TAX1BP1: variants seen among roughly 807,000 people sequenced by gnomAD.
TAX1BP1 encodes the protein Tax1 binding protein 1.
In TAX1BP1, 62 loss-of-function variants were observed where a neutral mutation model predicts 97.7. The ratio of observed to expected loss-of-function variants is 0.63; its 90% CI spans 0.52 to 0.78. TAX1BP1 has a LOEUF of 0.78. Ranked by LOEUF, TAX1BP1 falls within the 30% of genes least tolerant of loss-of-function variation. The pLI is 0.00. For synonymous variants in TAX1BP1, 340 were observed against 304.2 expected, an observed-to-expected ratio of 1.12 and a Z score of -1.23; for missense variants, 867 against 916.1, an observed-to-expected ratio of 0.95 and a Z score of 0.69.
chr7:27,827,716 T>C, intron 15 of TAX1BP1, 22 bp from the exon 16 acceptor site: 1 of 1,602,424 alleles, frequency 6.2e-7, no homozygotes, highest in Non-Finnish European at 8.5e-7. Flanking sequence ...TCTTAAAAGT[T>C]CCAAAATTAT....
intron 5 of TAX1BP1, chr7:27,772,069 T>C (rs1466318006): frequency 6.6e-6 from 1 of 151,868 alleles, no homozygotes; most frequent in Non-Finnish European, 1.5e-5. Flanking sequence ...AAGACATATG[T>C]GGTGACAATT....
intron 13 of TAX1BP1, among the ~76,000 whole-genome samples, chr7:27,805,435 GCTCACTATA>G (rs77077946): frequency 0.12 from 18,654 of 152,084 alleles, 1,205 homozygotes; most frequent in East Asian, 0.13. Context: ...TTTTGACTAT[GCTCACTATA>G]CTTACTTTTA....
rs752342917 is a variant in TAX1BP1, at chr7:27,785,497, A to AT, written c.852+14dup. The AT allele has an allele frequency of 3.1e-6, 5 of 1,596,690 alleles. No individual in the cohort carries two copies. Among genetic ancestry groups the AT allele is most frequent in the South Asian group, 2.3e-5 (2 of 88,600 alleles). On this transcript the variant is annotated intron_variant, in intron 7 of 16. Transcript: ENST00000396319. The stretch of plus-strand genomic sequence containing the variant: ...GAAAAGGAACTTTATAAGGTAATTT[A>AT]TTTTTTACCATATCTATTGCCTGTT...
At chr7:27,806,574 G>A (rs1472503952) in intron 13 of TAX1BP1, among the ~76,000 whole-genome samples, 1 of 151,986 alleles carries the variant, frequency 6.6e-6, no homozygotes, top group East Asian at 1.9e-4. Flanking sequence ...ATATGCAGTT[G>A]GGTCTCTTTC....
intron 13 of TAX1BP1, among the ~76,000 whole-genome samples, chr7:27,812,048 A>G (rs1016005697): frequency 1.3e-5 from 2 of 152,326 alleles, no homozygotes; most frequent in East Asian, 1.9e-4. Flanking sequence ...TGGTAAGTGT[A>G]TGTTTTTAAT....
In TAX1BP1 at chr7:27,787,512, C is replaced by G. The variant is rs550822476; in HGVS notation, c.947C>G (p.Thr316Ser). The change falls in exon 8 of 17, where the codon ACT (threonine) becomes AGT (serine). Residue 316 changes from threonine to serine, a missense_variant. Coordinates refer to ENST00000396319, the MANE Select transcript of TAX1BP1 (RefSeq NM_006024.7). ...NLDGNKESVI[T>S]HFKEEIGRLQ... Reference sequence around the variant, plus strand: ...GATGGGAACAAAGAAAGCGTGATTACTCATTTCAAAGAAGAGATTGGCAGG... The same window carrying G: ...GATGGGAACAAAGAAAGCGTGATTAGTCATTTCAAAGAAGAGATTGGCAGG... 1.2e-6 allele frequency: 2 copies of G among 1,613,712 alleles called. No homozygotes were observed. Among genetic ancestry groups the G allele is most frequent in the East Asian group, 2.2e-5 (1 of 44,818 alleles).
chr7:27,756,345 G>T (rs35167157), intron 2 of TAX1BP1, among the ~76,000 whole-genome samples: 2 of 152,004 alleles, frequency 1.3e-5, no homozygotes, highest in Non-Finnish European at 2.9e-5. Flanking sequence ...AAGAACTATT[G>T]TTTAGTTTTA....
Position 27,787,421 on chromosome 7 carries a change from C to T in TAX1BP1, c.856C>T (p.His286Tyr). Residue 286 changes from histidine to tyrosine, a missense_variant, in exon 8 of 17, where the codon CAT becomes TAT. This residue lies in a region of TAX1BP1 where 822 missense variants were observed against 851.4 expected (regional missense o/e 0.97). Coordinates refer to ENST00000396319, the MANE Select transcript of TAX1BP1 (RefSeq NM_006024.7). ...ACATTTTCAAACACCATTACAGGTA[C>T]ATTTGAAGAATACAGAAATAGAAAA... Reference protein sequence around the residue: ...EKDEKELYKVHLKNTEIENTK... With the variant: ...EKDEKELYKVYLKNTEIENTK... The T allele has an allele frequency of 1.9e-6, 3 of 1,603,356 alleles. No individual in the cohort carries two copies. The highest frequency in any genetic ancestry group is 2.6e-6 in the Non-Finnish European group (3 of 1,176,280).
Position 27,765,826 on chromosome 7 carries a change from C to T in TAX1BP1, c.266-8C>T, listed in dbSNP as rs752488419. On this transcript the variant is annotated splice_region_variant and splice_polypyrimidine_tract_variant and intron_variant, in intron 3 of 16. Transcript: ENST00000396319. ...GTTTAATAATTTTGTTTGTTAACTT[C>T]CTCTTAGGATATTACCTTCCAAATG... 3.6e-5 allele frequency: 58 copies of T among 1,603,498 alleles called. No individual in the cohort carries two copies. The highest frequency in any genetic ancestry group is 4.9e-5 in the Non-Finnish European group (57 of 1,173,156).
chr7:27,810,817 C>T (rs1438846894), intron 13 of TAX1BP1, among the ~76,000 whole-genome samples: 2 of 152,140 alleles, frequency 1.3e-5, no homozygotes, highest in East Asian at 3.8e-4. Context: ...TCATATTTTA[C>T]CAAGCCTGAA....
intron 15 of TAX1BP1, among the ~76,000 whole-genome samples, chr7:27,825,226 T>TC (rs1791132684): frequency 6.6e-6 from 1 of 151,546 alleles, no homozygotes; most frequent in African/African-American, 2.4e-5. Context: ...CTTTTCTTTT[T>TC]CCCAGTAGCT....
intron 11 of TAX1BP1, among the ~76,000 whole-genome samples, chr7:27,795,382 A>C (rs1467481784): frequency 6.6e-6 from 1 of 152,100 alleles, no homozygotes; most frequent in Non-Finnish European, 1.5e-5. Flanking sequence ...CTGTGGCAAG[A>C]GGATCACTTG....
At chr7:27,793,677 C>T (rs534919797) in intron 10 of TAX1BP1, among the ~76,000 whole-genome samples, 1 of 152,126 alleles carries the variant, frequency 6.6e-6, no homozygotes, top group South Asian at 2.1e-4. Context: ...TTAGCTAATT[C>T]TTTTTTATTC....
chr7:27,794,041 T>C (rs1789821628), intron 10 of TAX1BP1, among the ~76,000 whole-genome samples: 1 of 152,230 alleles, frequency 6.6e-6, no homozygotes, highest in African/African-American at 2.4e-5. Flanking sequence ...GAGTACGTTA[T>C]AACTTTGTAG....
chr7:27,771,197 TA>T (rs1658105179), intron 5 of TAX1BP1, among the ~76,000 whole-genome samples: 2 of 145,370 alleles, frequency 1.4e-5, no homozygotes, highest in South Asian at 4.7e-4. Context: ...ATTCTTCACA[TA>T]TTTTTCTCAT....
chr7:27,757,134 A>G (rs1239187885), intron 2 of TAX1BP1, among the ~76,000 whole-genome samples: 1 of 152,146 alleles, frequency 6.6e-6, no homozygotes, highest in Non-Finnish European at 1.5e-5. Context: ...GCCAATCAGA[A>G]TCATAGAACA....
At chr7:27,782,142 A>C (rs1392505623) in intron 5 of TAX1BP1, among the ~76,000 whole-genome samples, 1 of 152,220 alleles carries the variant, frequency 6.6e-6, no homozygotes, top group East Asian at 1.9e-4. Context: ...CTCAAAACAC[A>C]AACATGTACA....
chr7:27,742,977 A>T (rs919381198), intron 1 of TAX1BP1, among the ~76,000 whole-genome samples: 4 of 152,144 alleles, frequency 2.6e-5, no homozygotes, highest in Non-Finnish European at 5.9e-5. Context: ...TTTGGAATGG[A>T]TATGTTAAAT....
intron 3 of TAX1BP1, among the ~76,000 whole-genome samples, chr7:27,762,121 G>T (rs1418254607): frequency 6.6e-6 from 1 of 152,162 alleles, no homozygotes; most frequent in Non-Finnish European, 1.5e-5. Context: ...CATATATAAA[G>T]AAATTTCCTT....
Sources: gnomAD v4.1 joint callset for allele counts (sites outside exome capture counted in the v4.1 genomes callset) on GRCh38, gnomAD v4.1.1 for gene constraint, gnomAD v4.1.1 regional missense constraint, MANE v1.5 for transcripts, NCBI Gene and HGNC (gene_info 2026-07-23, HGNC 2026-07-21) for gene names.